FKBP9: variants seen among roughly 807,000 people sequenced by gnomAD.
The protein encoded by FKBP9 is FKBP prolyl isomerase 9.
Under a neutral mutation model 55.6 loss-of-function variants are expected in FKBP9, and 27 were observed. The observed-to-expected ratio is 0.49, with a 90% confidence interval of 0.36 to 0.67. The LOEUF is 0.67. Among genes scored for constraint, FKBP9 ranks in the 30% least tolerant of loss-of-function variants. The probability of loss-of-function intolerance (pLI) is 0.00; values close to 1 mark genes in which losing one functional copy is unlikely to be tolerated. For missense variants in FKBP9, 539 were observed against 742.8 expected (o/e 0.73, Z 3.19); for synonymous variants, 267 against 296.5 (o/e 0.90, Z 1.02).
intron 5 of FKBP9, among the ~76,000 whole-genome samples, chr7:32,981,258 A>C (rs2127983100): frequency 6.6e-6 from 1 of 152,298 alleles, no homozygotes; most frequent in East Asian, 1.9e-4. Flanking sequence ...GTAGGTGGTT[A>C]GATTAAAGAG....
At chr7:32,999,442 A>T (rs1302041267) in intron 7 of FKBP9, among the ~76,000 whole-genome samples, 2 of 149,728 alleles carry the variant, frequency 1.3e-5, no homozygotes, top group African/African-American at 4.9e-5. Context: ...CCTGAGGCCC[A>T]TGGCCATCAA....
At chr7:32,984,161 C>T (rs921949075) in intron 5 of FKBP9, among the ~76,000 whole-genome samples, 12 of 151,608 alleles carry the variant, frequency 7.9e-5, no homozygotes, top group African/African-American at 2.7e-4. Flanking sequence ...CCTGTATTTC[C>T]CTCAAGCCTT....
At position 32,976,381 on chromosome 7, in the gene FKBP9, G is replaced by A. The variant is rs138478200; in HGVS notation, c.585G>A (p.Thr195=). 3.5e-5 allele frequency: 57 copies of A among 1,613,868 alleles called. No individual in the cohort carries two copies. The East Asian group carries it at 5.1e-4, about 15-fold the overall frequency. The change falls in exon 4 of 10, where the codon ACG becomes ACA. Residue 195 remains threonine (T), a synonymous_variant. Coordinates refer to ENST00000242209, the MANE Select transcript of FKBP9 (RefSeq NM_007270.5). ...SSHNRMKTYD[T]YVGIGWLIPG... Reference sequence around the variant, plus strand: ...ACAATCGCATGAAAACATATGACACGTATGTGGGAATTGGCTGGCTGATTC... The same window carrying A: ...ACAATCGCATGAAAACATATGACACATATGTGGGAATTGGCTGGCTGATTC...
chr7:33,000,351 T>A, intron 8 of FKBP9, 91 bp downstream of exon 8: 1 of 1,420,472 alleles, frequency 7.0e-7, no homozygotes, highest in Non-Finnish European at 9.6e-7. Flanking sequence ...AATCACAGCA[T>A]GCTTCTTACA....
intron 1 of FKBP9, among the ~76,000 whole-genome samples, chr7:32,971,289 T>C (rs1784247975): frequency 6.6e-6 from 1 of 152,238 alleles, no homozygotes; most frequent in Non-Finnish European, 1.5e-5. Context: ...AAGCAGTAGA[T>C]AAGACTGGTC....
intron 6 of FKBP9, among the ~76,000 whole-genome samples, chr7:32,995,800 C>G (rs1338298832): frequency 1.3e-5 from 2 of 152,140 alleles, no homozygotes; most frequent in Admixed American, 1.3e-4. Context: ...GGGCAAGGGG[C>G]AAGTATTAAT....
chr7:32,968,034 C>A (rs1180705259), intron 1 of FKBP9, among the ~76,000 whole-genome samples: 1 of 152,188 alleles, frequency 6.6e-6, no homozygotes, highest in Non-Finnish European at 1.5e-5. Flanking sequence ...GGATTACAGG[C>A]GTGAGCCACC....
chr7:32,968,224 A>G (rs1412804431), intron 1 of FKBP9, among the ~76,000 whole-genome samples: 1 of 152,124 alleles, frequency 6.6e-6, no homozygotes, highest in Non-Finnish European at 1.5e-5. Context: ...GTGTTTTTGT[A>G]AAGATGGTGT....
At chr7:32,974,023 T>G (rs747201081) in intron 1 of FKBP9, among the ~76,000 whole-genome samples, 94 of 151,816 alleles carry the variant, frequency 6.2e-4, no homozygotes, top group African/African-American at 2.1e-3. Flanking sequence ...TTATTTTATT[T>G]TATTTTTTGA....
intron 5 of FKBP9, among the ~76,000 whole-genome samples, chr7:32,985,390 G>A (rs1286160391): frequency 6.6e-6 from 1 of 151,448 alleles, no homozygotes; most frequent in Non-Finnish European, 1.5e-5. Context: ...ATGTTGGGCC[G>A]GGCTGGTCAC....
rs946270592 is a variant in FKBP9 at position 32,984,861 on chromosome 7, T to G, written c.894-3646T>G. 3.2e-4 allele frequency among the ~76,000 whole-genome samples: 49 copies of G among 152,348 alleles called. 1 individual carries two copies. The highest frequency in any genetic ancestry group is 1.1e-3 in the African/African-American group (47 of 41,576). On this transcript the variant is annotated intron_variant, in intron 5 of 9. Transcript: ENST00000242209. The stretch of plus-strand genomic sequence containing the variant: ...TCCTCACTGCTCTAAAAGGTGATTT[T>G]TGTTATGAACTAAATTCTTATATGT...
rs1354096307 is a variant in FKBP9 at position 33,002,698 on chromosome 7, C to G, written c.1395C>G (p.Ala465=). ...AGVDGEVPGS[A]VLVFDIELLE... is the part of the protein sequence containing the mutation. ...CAGATGGAGAAGTGCCCGGCAGTGC[C>G]GTATTAGTGTTTGACATTGAGCTGC... Residue 465 remains alanine (A), a synonymous_variant, in exon 9 of 10, where the codon GCC becomes GCG. Transcript: ENST00000242209. 13 of 1,614,034 alleles carry G rather than the reference C, an allele frequency of 8.1e-6. No individual in the cohort carries two copies. In the East Asian group the frequency reaches 2.7e-4, roughly 33 times the overall value.
At chr7:32,985,169 TC>T (rs1554286256) in intron 5 of FKBP9, among the ~76,000 whole-genome samples, 1 of 118,504 alleles carries the variant, frequency 8.4e-6, no homozygotes, top group Non-Finnish European at 1.7e-5. Flanking sequence ...TCTTTTTCTT[TC>T]TTTCTTTCTT....
At chr7:32,975,486 T>C in intron 3 of FKBP9, 115 bp downstream of exon 3, 1 of 822,350 alleles carries the variant, frequency 1.2e-6, no homozygotes, top group Non-Finnish European at 1.9e-6. Flanking sequence ...TCTTCTCAAC[T>C]GTAATCAGTA....
At chr7:33,004,289 G>T (rs965159394) in intron 9 of FKBP9, among the ~76,000 whole-genome samples, 20 of 152,220 alleles carry the variant, frequency 1.3e-4, no homozygotes, top group Middle Eastern at 3.4e-3. Flanking sequence ...CACAGAAGCT[G>T]GGTCAGACCC....
intron 6 of FKBP9, among the ~76,000 whole-genome samples, chr7:32,991,427 G>C: frequency 6.6e-6 from 1 of 152,160 alleles, no homozygotes. Flanking sequence ...TGGCCTCTTT[G>C]TGGGGGTTAC....
rs536424507 is a variant in FKBP9 at position 32,983,653 on chromosome 7, A to C, written c.893+3100A>C. Among the ~76,000 whole-genome samples, 50 of 152,306 alleles carry C rather than the reference A, an allele frequency of 3.3e-4. 1 individual carries two copies. Among genetic ancestry groups the C allele is most frequent in the African/African-American group, 1.2e-3 (48 of 41,574 alleles). On this transcript the variant is annotated intron_variant, in intron 5 of 9. Transcript: ENST00000242209. ...TTATACCTTTTGATACATACTACCA[A>C]GTTGCCCTCAAGGAAGGTTTTACTC...
At chr7:32,978,795 T>A (rs1036601860) in intron 4 of FKBP9, among the ~76,000 whole-genome samples, 24 of 152,238 alleles carry the variant, frequency 1.6e-4, no homozygotes, top group Non-Finnish European at 2.9e-4. Flanking sequence ...TATTATTTCT[T>A]TACTTTAAAT....
At chr7:33,000,061 T>C (rs566489199) in intron 7 of FKBP9, 54 bp from the exon 8 acceptor site, 1 of 1,609,118 alleles carries the variant, frequency 6.2e-7, no homozygotes, top group South Asian at 1.1e-5. Context: ...ATGGGAACAC[T>C]CTCAGTGCCA....
Sources: allele counts gnomAD v4.1 joint callset (sites outside exome capture counted in the v4.1 genomes callset), GRCh38; gene constraint gnomAD v4.1.1; transcripts MANE v1.5; gene names NCBI Gene and HGNC (gene_info 2026-07-23, HGNC 2026-07-21).